CACNA2D2: variants seen among roughly 807,000 people sequenced by gnomAD.
The protein encoded by CACNA2D2 is calcium voltage-gated channel auxiliary subunit alpha2delta 2.
In CACNA2D2, 48 loss-of-function variants were observed where a neutral mutation model predicts 166.4. The observed-to-expected ratio is 0.29, with a 90% CI of 0.23 to 0.37. CACNA2D2 has a LOEUF of 0.37. Among genes scored for constraint, CACNA2D2 ranks in the 10% least tolerant of loss-of-function variants. The pLI is 1.00. For synonymous variants in CACNA2D2, 561 were observed against 573.7 expected, an observed-to-expected ratio of 0.98 and a Z score of 0.32; for missense variants, 1,122 against 1,433.0, an observed-to-expected ratio of 0.78 and a Z score of 3.50.
In CACNA2D2 at chr3:50,366,259, A is replaced by G. The variant is rs1575582665; in HGVS notation, c.2709+8T>C. The G allele has an allele frequency of 1.9e-6, 3 of 1,614,002 alleles. No homozygotes were observed. The highest frequency in any genetic ancestry group is 2.5e-6 in the Non-Finnish European group (3 of 1,179,974). On this transcript the variant is annotated splice_region_variant and intron_variant, in intron 31 of 37. Coordinates refer to ENST00000424201, the MANE Select transcript of CACNA2D2 (RefSeq NM_006030.4). The surrounding 1 kb of genome is among the most constrained non-coding windows in gnomAD (Gnocchi z 5.9). The stretch of plus-strand genomic sequence containing the variant: ...ACTCTCTTCTTTCACTCTCTTCCTG[A>G]TCCTCACCTGGTCCCACTGATGGTT...
At chr3:50,418,546 G>A (rs914900590) in intron 3 of CACNA2D2, among the ~76,000 whole-genome samples, 7 of 152,208 alleles carry the variant, frequency 4.6e-5, no homozygotes, top group Admixed American at 1.3e-4. Flanking sequence ...TCCCAGGGCC[G>A]GTCAGGGTGT....
intron 3 of CACNA2D2, among the ~76,000 whole-genome samples, chr3:50,413,848 A>AT: frequency 6.9e-6 from 1 of 145,086 alleles, no homozygotes; most frequent in African/African-American, 2.7e-5. Context: ...CTCCGTCTCA[A>AT]AAAATAAATA....
chr3:50,454,365 C>T (rs555883564), intron 2 of CACNA2D2, among the ~76,000 whole-genome samples: 1 of 152,214 alleles, frequency 6.6e-6, no homozygotes, highest in Non-Finnish European at 1.5e-5. Flanking sequence ...GGGCAGAGGA[C>T]GCGCACCCTC....
intron 1 of CACNA2D2, among the ~76,000 whole-genome samples, chr3:50,484,526 G>A (rs1298390650): frequency 6.6e-6 from 1 of 152,142 alleles, no homozygotes; most frequent in East Asian, 1.9e-4. Context: ...TCCCTGCACA[G>A]GCTTCGGCAC....
At chr3:50,499,776 G>A (rs925081635) in intron 1 of CACNA2D2, among the ~76,000 whole-genome samples, 16 of 152,226 alleles carry the variant, frequency 1.1e-4, no homozygotes, top group Admixed American at 3.3e-4. Context: ...TGCAGACTAC[G>A]AGGGGACTCA....
intron 1 of CACNA2D2, among the ~76,000 whole-genome samples, chr3:50,502,429 C>T (rs1055728099): frequency 6.6e-6 from 1 of 152,202 alleles, no homozygotes; most frequent in Non-Finnish European, 1.5e-5. Context: ...TAAGCTCACC[C>T]GTAGGAGGCA....
Position 50,368,208 on chromosome 3 carries a change from T to C in CACNA2D2, c.2073A>G (p.Ser691=), listed in dbSNP as rs1704455358. The C allele has an allele frequency of 7.4e-6, 12 of 1,613,562 alleles. No homozygotes were observed. The East Asian group carries it at 2.7e-4, about 36-fold the overall frequency. ...PREYCKDLNA[S]DNNTEFLKNF... ...TTTTCAGGAACTCGGTGTTGTTGTC[T>C]GAGGCATTCAGGTCCTTGCAGTACT... The change falls in exon 24 of 38, where the codon TCA becomes TCG. Residue 691 remains serine, a synonymous_variant. Coordinates refer to ENST00000424201, the MANE Select transcript of CACNA2D2 (RefSeq NM_006030.4).
At chr3:50,448,628 G>A (rs1708966295) in intron 2 of CACNA2D2, among the ~76,000 whole-genome samples, 1 of 152,098 alleles carries the variant, frequency 6.6e-6, no homozygotes, top group African/African-American at 2.4e-5. Flanking sequence ...ACAAAGTAAG[G>A]TGCATGTGTT....
At chr3:50,385,918 T>A (rs1451330426) in intron 5 of CACNA2D2, among the ~76,000 whole-genome samples, 1 of 152,230 alleles carries the variant, frequency 6.6e-6, no homozygotes, top group Non-Finnish European at 1.5e-5. Flanking sequence ...GACATTTGGA[T>A]TCTGTTCTGA....
Position 50,367,888 on chromosome 3 carries a change from G to A in CACNA2D2, c.2158C>T (p.Leu720=). The stretch of plus-strand genomic sequence containing the variant: ...CCCGTGTCCAAGATCAGGTTGTGCA[G>A]AAGGAAGTTGTTGCCTGGAACAGGA... ...PDSKQCNNFL[L]HNLILDTGIT... Residue 720 remains leucine (L), a synonymous_variant, in exon 25 of 38, where the codon CTG becomes TTG. Coordinates refer to ENST00000424201, the MANE Select transcript of CACNA2D2 (RefSeq NM_006030.4). The surrounding 1 kb of genome is among the most constrained non-coding windows in gnomAD (Gnocchi z 6.5). 1 of 1,124,582 alleles carries A rather than the reference G, an allele frequency of 8.9e-7. No individual in the cohort carries two copies. The highest frequency in any genetic ancestry group is 1.2e-6 in the Non-Finnish European group (1 of 801,214). 69.7% of individuals were successfully genotyped at this position (1,124,582 alleles called of 1,614,324 possible). A position where few individuals can be genotyped will look rare whatever the true frequency, so the allele number is the denominator to read the frequency against.
At chr3:50,501,070 A>G (rs1268880169) in intron 1 of CACNA2D2, among the ~76,000 whole-genome samples, 1 of 151,980 alleles carries the variant, frequency 6.6e-6, no homozygotes, top group African/African-American at 2.4e-5. Flanking sequence ...TTGGAAATCC[A>G]CCTGTATCAA....
chr3:50,377,845 C>A (rs1705070698), intron 15 of CACNA2D2, 42 bp from the exon 16 acceptor site: 1 of 1,565,010 alleles, frequency 6.4e-7, no homozygotes, highest in African/African-American at 1.3e-5. Context: ...GTGGCCAGCA[C>A]TGACCCCACC....
At position 50,364,965 on chromosome 3, in the gene CACNA2D2, C is replaced by T. The variant is rs764845789; in HGVS notation, c.3214G>A (p.Gly1072Ser). ...TGCACTAGCTCACACTGCTCCGGGC[C>T]GTCCGCTGGGCATGGGTGGGGAGTC... ...RLLQKETHSD[G>S]PEQCELVQRP... is the part of the protein sequence containing the mutation. The change falls in exon 37 of 38, where the codon GGC (glycine) becomes AGC (serine). Residue 1072 changes from glycine to serine, a missense_variant. Physicochemically the swap from Gly to Ser is moderately conservative, Grantham distance 56 (BLOSUM62 0). This residue lies in a region of CACNA2D2 where 282 missense variants were observed against 266.2 expected (regional missense o/e 1.06). Coordinates refer to ENST00000424201, the MANE Select transcript of CACNA2D2 (RefSeq NM_006030.4). The T allele has an allele frequency of 6.2e-7, 1 of 1,612,250 alleles. No homozygotes were observed. Among genetic ancestry groups the T allele is most frequent in the South Asian group, 1.1e-5 (1 of 91,060 alleles).
Position 50,381,128 on chromosome 3 carries a change from T to TG in CACNA2D2, c.653-3dup, listed in dbSNP as rs754174428. Reference sequence around the variant, plus strand: ...TGAGCTCATTGAGGATGACAGTGGCTGGGGGGAAGCGGGGAGCTGGGGTGG... The same window carrying TG: ...TGAGCTCATTGAGGATGACAGTGGCTGGGGGGGAAGCGGGGAGCTGGGGTGG... On this transcript the variant is annotated splice_polypyrimidine_tract_variant and splice_region_variant and intron_variant, in intron 6 of 37. Transcript: ENST00000424201. 2 of 1,577,646 alleles carry TG rather than the reference T, an allele frequency of 1.3e-6. No homozygotes were observed. Among genetic ancestry groups the TG allele is most frequent in the Non-Finnish European group, 1.7e-6 (2 of 1,157,070 alleles).
At chr3:50,469,922 G>C (rs1028960269) in intron 2 of CACNA2D2, among the ~76,000 whole-genome samples, 1 of 152,196 alleles carries the variant, frequency 6.6e-6, no homozygotes, top group Non-Finnish European at 1.5e-5. Flanking sequence ...GATCTTGGAA[G>C]TGCCCTCTAG....
At chr3:50,472,611 A>G (rs1710144992) in intron 2 of CACNA2D2, among the ~76,000 whole-genome samples, 1 of 152,180 alleles carries the variant, frequency 6.6e-6, no homozygotes, top group African/African-American at 2.4e-5. Flanking sequence ...ATGTCTGACT[A>G]TAATCTCTCC....
Position 50,380,657 on chromosome 3 carries a change from A to C in CACNA2D2, c.842+91T>G. Reference sequence around the variant, plus strand: ...TGGATACAGCTGGCTGCGCCCTGCTAGGAGGCTTGGAAATGGGGAGGGAGG... The same window carrying C: ...TGGATACAGCTGGCTGCGCCCTGCTCGGAGGCTTGGAAATGGGGAGGGAGG... On this transcript the variant is annotated intron_variant, in intron 8 of 37. Coordinates refer to ENST00000424201, the MANE Select transcript of CACNA2D2 (RefSeq NM_006030.4). This position sits in a 1 kb window ranked among gnomAD's most constrained non-coding sequence, Gnocchi z 4.9. The C allele has an allele frequency of 1.9e-6, 2 of 1,064,380 alleles. No homozygotes were observed. Among genetic ancestry groups the C allele is most frequent in the East Asian group, 2.7e-5 (1 of 36,372 alleles). The allele number at this position is 1,064,380 out of a possible 1,614,324, so 65.9% of individuals were successfully genotyped here.
intron 3 of CACNA2D2, among the ~76,000 whole-genome samples, chr3:50,418,799 C>T (rs1042004358): frequency 6.6e-6 from 1 of 152,222 alleles, no homozygotes. Flanking sequence ...GAGGCATGGG[C>T]CTTGAGGGGG....
intron 6 of CACNA2D2, among the ~76,000 whole-genome samples, chr3:50,383,184 A>C (rs1307539163): frequency 6.6e-6 from 1 of 152,134 alleles, no homozygotes; most frequent in East Asian, 1.9e-4. Flanking sequence ...GTGCCCCTCG[A>C]CTGGCTCGGG....
Sources: allele counts gnomAD v4.1 joint callset (sites outside exome capture counted in the v4.1 genomes callset), GRCh38; gene constraint gnomAD v4.1.1; regional missense constraint gnomAD v4.1.1; non-coding constraint Gnocchi (gnomAD v3.1); transcripts MANE v1.5; gene names NCBI Gene and HGNC (gene_info 2026-07-23, HGNC 2026-07-21).